Variants in KARS1 observed in about 807,000 individuals in gnomAD.
KARS1 encodes the protein lysyl-tRNA synthetase 1.
In KARS1, 50 loss-of-function variants were observed where a neutral mutation model predicts 63.9. That is an observed-to-expected ratio of 0.78 (90% CI 0.62 to 0.99). The LOEUF is 0.99. Ranked by LOEUF, KARS1 falls within the 50% of genes least tolerant of loss-of-function variation. The pLI, the probability that KARS1 is intolerant of heterozygous loss-of-function variation, is 0.00. For missense variants in KARS1, 816 were observed against 754.5 expected, an observed-to-expected ratio of 1.08 and a Z score of -0.95; for synonymous variants, 320 against 264.6, an observed-to-expected ratio of 1.21 and a Z score of -2.03.
At chr16:75,644,140 A>T (rs2082254772) in intron 1 of KARS1, 1 of 642,528 alleles carries the variant, frequency 1.6e-6, no homozygotes, top group Non-Finnish European at 2.7e-6. Context: ...AGAAAATGAG[A>T]AAGGACTATT....
chr16:75,645,496 C>T (rs2082270473), intron 1 of KARS1, among the ~76,000 whole-genome samples: 1 of 152,220 alleles, frequency 6.6e-6, no homozygotes, highest in Admixed American at 6.5e-5. Context: ...AGAGATCTAG[C>T]ATTGTGCCTG....
At chr16:75,640,372 A>AG in intron 2 of KARS1, 23 bp from the exon 3 acceptor site, 1 of 1,560,454 alleles carries the variant, frequency 6.4e-7, no homozygotes, top group East Asian at 2.2e-5. Context: ...AAAAAAAAAA[A>AG]GCCCTTCAGA....
Position 75,640,026 on chromosome 16 carries a change from G to A in KARS1, c.388+158C>T, listed in dbSNP as rs149750085. ...TGATTCCATGTCTCAGGGCTGCTCT[G>A]CTTCTTTCTGTATAGATATAATGGC... is the stretch of plus-strand genomic sequence containing the variant. On this transcript the variant is annotated intron_variant, in intron 3 of 13. Coordinates refer to ENST00000302445, the MANE Select transcript of KARS1 (RefSeq NM_005548.3). 500 of 677,984 alleles carry A rather than the reference G, an allele frequency of 7.4e-4. 6 individuals are homozygous for A. The East Asian group carries it at 0.013, about 18-fold the overall frequency. 42.0% of individuals were successfully genotyped at this position (677,984 alleles called of 1,614,324 possible). A position where few individuals can be genotyped will look rare whatever the true frequency, so the allele number is the denominator to read the frequency against.
intron 3 of KARS1, among the ~76,000 whole-genome samples, chr16:75,638,597 G>C (rs2082190073): frequency 1.3e-5 from 2 of 152,094 alleles, no homozygotes; most frequent in South Asian, 4.1e-4. Context: ...GAAATGAGGT[G>C]ATAACACATG....
chr16:75,642,934 G>C (rs2082240947), intron 1 of KARS1: 1 of 152,210 alleles, frequency 6.6e-6, no homozygotes, highest in South Asian at 2.1e-4. Flanking sequence ...CTGGCATTCA[G>C]CTAACCAAAT....
chr16:75,636,715 C>G (rs780444543), intron 3 of KARS1, among the ~76,000 whole-genome samples, 168 bp from the exon 4 acceptor site: 2 of 151,606 alleles, frequency 1.3e-5, no homozygotes, highest in African/African-American at 4.9e-5. Context: ...CTCAATGCAA[C>G]CTCCGCCTCC....
chr16:75,640,470 C>T, intron 2 of KARS1, 121 bp from the exon 3 acceptor site: 1 of 900,164 alleles, frequency 1.1e-6, no homozygotes. Flanking sequence ...TTTCTTTAAC[C>T]AAGACCTCTG....
chr16:75,639,180 A>G (rs1352057393), intron 3 of KARS1, among the ~76,000 whole-genome samples: 1 of 152,182 alleles, frequency 6.6e-6, no homozygotes, highest in African/African-American at 2.4e-5. Context: ...AAAAAATAAA[A>G]ATAAAAAAAT....
At position 75,631,535 on chromosome 16, in the gene KARS1, G is replaced by A. The variant is rs2082113662; in HGVS notation, c.1133C>T (p.Pro378Leu). The change falls in exon 9 of 14, where the codon CCA becomes CTA. Residue 378 changes from proline (P) to leucine (L), a missense_variant. Transcript: ENST00000302445. ...GTCAACATCGTAGGCTTGGCCCTCTGGGCCATCTGGGTGGTAGGTGACCTT... is the reference window on the plus strand; with the variant it reads ...GTCAACATCGTAGGCTTGGCCCTCTAGGCCATCTGGGTGGTAGGTGACCTT... ...SYKVTYHPDG[P>L]EGQAYDVDFT... The A allele has an allele frequency of 1.2e-6, 2 of 1,613,972 alleles. No individual in the cohort carries two copies. The highest frequency in any genetic ancestry group is 1.7e-5 in the Admixed American group (1 of 60,012).
chr16:75,647,150 G>C (rs181279012), intron 1 of KARS1, among the ~76,000 whole-genome samples: 263 of 152,284 alleles, frequency 1.7e-3, no homozygotes, highest in African/African-American at 5.9e-3. Flanking sequence ...ACCTTAGTGA[G>C]GCCCAGAAAA....
intron 6 of KARS1, 104 bp downstream of exon 6, chr16:75,635,576 G>A (rs2082152322): frequency 1.6e-6 from 2 of 1,284,980 alleles, no homozygotes; most frequent in Admixed American, 3.5e-5. Flanking sequence ...CATTAGGCAT[G>A]AAGGATCCTG....
chr16:75,634,880 C>G (rs377322167), intron 6 of KARS1, among the ~76,000 whole-genome samples: 2 of 152,040 alleles, frequency 1.3e-5, no homozygotes, highest in African/African-American at 4.8e-5. Context: ...CGGCCCAATT[C>G]CCAGTATTTA....
chr16:75,646,495 C>G (rs956253875), intron 1 of KARS1, among the ~76,000 whole-genome samples: 1 of 151,052 alleles, frequency 6.6e-6, no homozygotes, highest in African/African-American at 2.4e-5. Context: ...GAGCTGAGAT[C>G]GCGCCACTGC....
At chr16:75,629,021 T>C (rs2082081466) in intron 12 of KARS1, 1 of 482,024 alleles carries the variant, frequency 2.1e-6, no homozygotes, top group Non-Finnish European at 3.8e-6. Flanking sequence ...ATTACAAGAG[T>C]CTTTCTCCCA....
At chr16:75,640,561 GTCAACAAAAAGAA>G (rs1862030574) in intron 2 of KARS1, among the ~76,000 whole-genome samples, 1 of 152,198 alleles carries the variant, frequency 6.6e-6, no homozygotes, top group African/African-American at 2.4e-5. Flanking sequence ...AAATGCAAGA[GTCAACAAAAAGAA>G]AAACCTGAGT....
intron 1 of KARS1, among the ~76,000 whole-genome samples, chr16:75,642,552 C>T (rs962134162): frequency 1.3e-5 from 2 of 152,042 alleles, no homozygotes; most frequent in East Asian, 1.9e-4. Flanking sequence ...CTCTGCTACC[C>T]CCTCTCTCTA....
chr16:75,639,526 G>C (rs1183588319), intron 3 of KARS1, among the ~76,000 whole-genome samples: 2 of 145,350 alleles, frequency 1.4e-5, no homozygotes, highest in Non-Finnish European at 3.0e-5. Flanking sequence ...AAGCTGAGAT[G>C]GCACCACTGC....
chr16:75,631,101 T>C (rs918862686), intron 10 of KARS1, 67 bp downstream of exon 10: 22 of 1,304,760 alleles, frequency 1.7e-5, no homozygotes, highest in African/African-American at 4.4e-5. Context: ...GGGGTTCATT[T>C]TCCCAGGGAA....
In KARS1 at chr16:75,641,553, A is replaced by G; in HGVS notation, c.222+11T>C. On this transcript the variant is annotated intron_variant, in intron 2 of 13. Coordinates refer to ENST00000302445, the MANE Select transcript of KARS1 (RefSeq NM_005548.3). ...CTGTGCCCAACCATGCTGGTGGCCC[A>G]GGGAACTCACATTTGGGTCCACGCT... is the stretch of plus-strand genomic sequence containing the variant. The G allele has an allele frequency of 2.5e-6, 4 of 1,612,106 alleles. No individual in the cohort carries two copies. The highest frequency in any genetic ancestry group is 3.4e-6 in the Non-Finnish European group (4 of 1,178,956).
Sources: allele counts gnomAD v4.1 joint callset (sites outside exome capture counted in the v4.1 genomes callset), GRCh38; gene constraint gnomAD v4.1.1; transcripts MANE v1.5; gene names NCBI Gene and HGNC (gene_info 2026-07-23, HGNC 2026-07-21).